YAP1: variants seen among roughly 807,000 people sequenced by gnomAD.
YAP1 encodes transcriptional coactivator YAP1.
In YAP1, 5 loss-of-function variants were observed where a neutral mutation model predicts 56.9. That is an observed-to-expected ratio of 0.09 (90% CI 0.05 to 0.18). The LOEUF is 0.18. Ranked by LOEUF, YAP1 falls within the 10% of genes least tolerant of loss-of-function variation. The probability of loss-of-function intolerance (pLI) is 1.00; values close to 1 mark genes in which losing one functional copy is unlikely to be tolerated. For missense variants in YAP1, 539 were observed against 651.8 expected, an observed-to-expected ratio of 0.83 and a Z score of 1.88; for synonymous variants, 265 against 248.1, an observed-to-expected ratio of 1.07 and a Z score of -0.64.
At chr11:102,158,737 A>ATT (rs1946101469) in intron 2 of YAP1, among the ~76,000 whole-genome samples, 1 of 152,232 alleles carries the variant, frequency 6.6e-6, no homozygotes, top group Non-Finnish European at 1.5e-5. Context: ...GTGCTTTCAC[A>ATT]AATTAGCATT....
intron 2 of YAP1, among the ~76,000 whole-genome samples, chr11:102,152,387 C>A (rs74955330): frequency 1.3e-5 from 2 of 152,162 alleles, no homozygotes; most frequent in Non-Finnish European, 2.9e-5. Context: ...GGAGGTGACA[C>A]ATAAGGCAGT....
chr11:102,167,327 A>G (rs1034934341), intron 3 of YAP1, among the ~76,000 whole-genome samples: 12 of 152,280 alleles, frequency 7.9e-5, no homozygotes, highest in Non-Finnish European at 1.5e-4. Flanking sequence ...AGGAAATGGA[A>G]TAATGTATTA....
At chr11:102,163,502 T>G (rs552836588) in intron 3 of YAP1, among the ~76,000 whole-genome samples, 3 of 152,144 alleles carry the variant, frequency 2.0e-5, no homozygotes, top group Non-Finnish European at 4.4e-5. Flanking sequence ...TTGGAGCATT[T>G]GGGCTGGATT....
At position 102,231,780 on chromosome 11, in the gene YAP1, C is replaced by CT. The variant is rs1390516164; in HGVS notation, c.*1841dup. ...CAAGGGTTCATAACAGGCATAAAAT[C>CT]TCTTCTCCTGGCAAAAGCTGCTATG... is the stretch of plus-strand genomic sequence containing the variant. On this transcript the variant is annotated 3_prime_UTR_variant, in exon 9 of 9. Coordinates refer to ENST00000282441, the MANE Select transcript of YAP1 (RefSeq NM_001130145.3). 1 of 152,562 alleles carries CT rather than the reference C, an allele frequency of 6.6e-6. No individual in the cohort carries two copies. The highest frequency in any genetic ancestry group is 2.4e-5 in the African/African-American group (1 of 41,444). 9.5% of individuals were successfully genotyped at this position (152,562 alleles called of 1,614,324 possible).
chr11:102,150,802 GTT>G (rs370378973), intron 2 of YAP1, among the ~76,000 whole-genome samples: 3 of 108,054 alleles, frequency 2.8e-5, no homozygotes, highest in Admixed American at 1.1e-4. Context: ...CATACAAATG[GTT>G]TTTTTTTTTT....
intron 2 of YAP1, among the ~76,000 whole-genome samples, chr11:102,157,640 T>G (rs1262240979): frequency 1.3e-5 from 2 of 152,254 alleles, no homozygotes; most frequent in Admixed American, 6.5e-5. Flanking sequence ...GTCATTTGAT[T>G]TCTCATTAGA....
chr11:102,229,371 G>A (rs1208770009), intron 8 of YAP1, among the ~76,000 whole-genome samples: 1 of 152,192 alleles, frequency 6.6e-6, no homozygotes, highest in Non-Finnish European at 1.5e-5. Flanking sequence ...AGACAGGGTA[G>A]TGATGCTGTC....
intron 3 of YAP1, among the ~76,000 whole-genome samples, chr11:102,178,845 G>T (rs973106131): frequency 6.6e-5 from 10 of 152,190 alleles, no homozygotes; most frequent in African/African-American, 2.4e-4. Context: ...CAGGAAGCAT[G>T]GTGCCAGCGT....
chr11:102,112,733 C>T (rs1943034490), intron 1 of YAP1: 2 of 985,348 alleles, frequency 2.0e-6, no homozygotes, highest in Non-Finnish European at 2.4e-6. Flanking sequence ...CTAAACACTT[C>T]AATTTGTCTT....
chr11:102,158,213 A>G (rs1946063228), intron 2 of YAP1, among the ~76,000 whole-genome samples: 1 of 152,234 alleles, frequency 6.6e-6, no homozygotes, highest in South Asian at 2.1e-4. Context: ...GATACAATAT[A>G]GTTAGGTTTA....
intron 6 of YAP1, among the ~76,000 whole-genome samples, chr11:102,213,740 C>G (rs1949529820): frequency 6.6e-6 from 1 of 152,184 alleles, no homozygotes; most frequent in Non-Finnish European, 1.5e-5. Context: ...TTCTTCATTT[C>G]TGTTTTAAGG....
Position 102,223,657 on chromosome 11 carries a change from G to T in YAP1, c.1068G>T (p.Glu356Asp), listed in dbSNP as rs1950059078. 13 of 1,614,156 alleles carry T rather than the reference G, an allele frequency of 8.1e-6. No homozygotes were observed. The highest frequency in any genetic ancestry group is 1.1e-5 in the Non-Finnish European group (13 of 1,180,018). Residue 356 changes from glutamate (E) to aspartate (D), a missense_variant, in exon 7 of 9, where the codon GAG becomes GAT. Coordinates refer to ENST00000282441, the MANE Select transcript of YAP1 (RefSeq NM_001130145.3). ...TGCGTAGCCAGTTACCAACACTGGA[G>T]CAGGATGGTGGGACTCAAAATCCAG... Reference protein sequence around the residue: ...LALRSQLPTLEQDGGTQNPVS... With the variant: ...LALRSQLPTLDQDGGTQNPVS...
chr11:102,197,561 C>T (rs931843004), intron 4 of YAP1, among the ~76,000 whole-genome samples: 2 of 151,880 alleles, frequency 1.3e-5, no homozygotes, highest in Admixed American at 1.3e-4. Context: ...GAAAGTAGTC[C>T]CTTATTTTTC....
intron 3 of YAP1, among the ~76,000 whole-genome samples, chr11:102,172,202 A>AAG (rs1565227445): frequency 6.6e-6 from 1 of 151,508 alleles, no homozygotes; most frequent in Non-Finnish European, 1.5e-5. Flanking sequence ...TCAAAAAAAA[A>AAG]TAAAAGAAAA....
At chr11:102,182,492 C>A (rs532032522) in intron 3 of YAP1, among the ~76,000 whole-genome samples, 1 of 152,250 alleles carries the variant, frequency 6.6e-6, no homozygotes, top group African/African-American at 2.4e-5. Context: ...TTTGCTTTCT[C>A]TCCTTTTCAT....
chr11:102,190,299 G>A (rs1385272386), intron 4 of YAP1, among the ~76,000 whole-genome samples: 1 of 152,160 alleles, frequency 6.6e-6, no homozygotes, highest in East Asian at 1.9e-4. Flanking sequence ...AGGAAAAGAT[G>A]TGTGTTTTAG....
At chr11:102,223,327 A>T (rs570348193) in intron 6 of YAP1, among the ~76,000 whole-genome samples, 14 of 151,652 alleles carry the variant, frequency 9.2e-5, no homozygotes, top group Admixed American at 8.5e-4. Context: ...CCAAAGGAGG[A>T]TTTGGGAGTA....
intron 2 of YAP1, among the ~76,000 whole-genome samples, chr11:102,130,252 C>T (rs143514256): frequency 7.6e-4 from 116 of 152,048 alleles, no homozygotes; most frequent in Middle Eastern, 3.4e-3. Context: ...CACCTTAGTT[C>T]GTGTAAAATA....
At chr11:102,147,416 A>C (rs1479736882) in intron 2 of YAP1, among the ~76,000 whole-genome samples, 1 of 152,202 alleles carries the variant, frequency 6.6e-6, no homozygotes, top group Non-Finnish European at 1.5e-5. Flanking sequence ...GGCTAATAAG[A>C]TGATCTTTCT....
Sources: gnomAD v4.1 joint callset for allele counts (sites outside exome capture counted in the v4.1 genomes callset) on GRCh38, gnomAD v4.1.1 for gene constraint, MANE v1.5 for transcripts, NCBI Gene and HGNC (gene_info 2026-07-23, HGNC 2026-07-21) for gene names.